The following BTRC variants were observed in gnomAD, a reference collection of about 807,000 sequenced individuals.
BTRC encodes beta-transducin repeat containing E3 ubiquitin protein ligase.
Under a neutral mutation model 85.5 loss-of-function variants are expected in BTRC, and 42 were observed. The observed-to-expected ratio is 0.49, with a 90% confidence interval of 0.38 to 0.64. The LOEUF (loss-of-function observed/expected upper bound fraction) is 0.64, where lower values mean the gene tolerates loss of function less well. BTRC is among the 30% of genes least tolerant of loss of function. BTRC has a pLI of 0.00. For missense variants in BTRC, 594 were observed against 743.5 expected (o/e 0.80, Z 2.34); for synonymous variants, 255 against 263.3 (o/e 0.97, Z 0.30).
intron 2 of BTRC, among the ~76,000 whole-genome samples, chr10:101,433,954 TAAG>T (rs1037186498): frequency 6.6e-6 from 1 of 151,752 alleles, no homozygotes; most frequent in Non-Finnish European, 1.5e-5. Flanking sequence ...TAATAGGAAT[TAAG>T]AAAAAAAAAT....
intron 13 of BTRC, among the ~76,000 whole-genome samples, chr10:101,549,967 C>T (rs970600802): frequency 3.3e-5 from 5 of 151,944 alleles, no homozygotes; most frequent in African/African-American, 1.2e-4. Flanking sequence ...TTTTTAATGC[C>T]GTGGAAATCT....
intron 4 of BTRC, among the ~76,000 whole-genome samples, chr10:101,508,442 T>G (rs1328504265): frequency 9.2e-5 from 14 of 152,224 alleles, no homozygotes. Context: ...TCATATTTAG[T>G]AGAGGCTGTT....
At chr10:101,422,783 G>A (rs2134058338) in intron 1 of BTRC, among the ~76,000 whole-genome samples, 1 of 152,234 alleles carries the variant, frequency 6.6e-6, no homozygotes, top group South Asian at 2.1e-4. Flanking sequence ...AGTTGTAGAT[G>A]TGTGTTATTA....
chr10:101,402,389 A>G (rs1943513972), intron 1 of BTRC, among the ~76,000 whole-genome samples: 1 of 152,194 alleles, frequency 6.6e-6, no homozygotes, highest in Non-Finnish European at 1.5e-5. Flanking sequence ...TCAAAATTCT[A>G]GTTTATCAGT....
chr10:101,489,110 A>G (rs1351496861), intron 4 of BTRC, among the ~76,000 whole-genome samples: 1 of 152,140 alleles, frequency 6.6e-6, no homozygotes, highest in Admixed American at 6.5e-5. Flanking sequence ...TTCTGTTAGA[A>G]CAGAAATCTG....
intron 14 of BTRC, among the ~76,000 whole-genome samples, chr10:101,551,388 A>G (rs1359685426): frequency 6.6e-6 from 1 of 152,236 alleles, no homozygotes; most frequent in South Asian, 2.1e-4. Flanking sequence ...AGTAGCTTTT[A>G]TATCCCTATC....
At chr10:101,509,798 G>A (rs971673544) in intron 4 of BTRC, among the ~76,000 whole-genome samples, 1 of 145,678 alleles carries the variant, frequency 6.9e-6, no homozygotes, top group South Asian at 2.1e-4. Flanking sequence ...CTGGGTTCAA[G>A]CAGTCCTTCT....
chr10:101,479,514 G>A (rs1589526552), intron 4 of BTRC, 57 bp downstream of exon 4: 3 of 1,367,906 alleles, frequency 2.2e-6, no homozygotes, highest in Non-Finnish European at 3.1e-6. Flanking sequence ...TGCCATATCT[G>A]TAGGCATCTT....
intron 1 of BTRC, among the ~76,000 whole-genome samples, chr10:101,379,443 C>A (rs761989538): frequency 1.3e-5 from 2 of 152,054 alleles, no homozygotes; most frequent in Non-Finnish European, 2.9e-5. Flanking sequence ...CTCATTTAGA[C>A]CTGTTCTTTT....
intron 1 of BTRC, among the ~76,000 whole-genome samples, chr10:101,360,789 T>C (rs1489455604): frequency 1.3e-5 from 2 of 151,898 alleles, no homozygotes; most frequent in Non-Finnish European, 2.9e-5. Flanking sequence ...GTGCCACCAC[T>C]CGCAGCCTAA....
intron 1 of BTRC, among the ~76,000 whole-genome samples, chr10:101,357,158 A>G (rs897654113): frequency 1.6e-4 from 23 of 146,584 alleles, no homozygotes; most frequent in Non-Finnish European, 2.5e-4. Context: ...AAAGGAAGAT[A>G]TTGGCCAGGC....
intron 13 of BTRC, 142 bp from the exon 14 acceptor site, chr10:101,550,557 C>A: frequency 1.3e-6 from 1 of 751,540 alleles, no homozygotes; most frequent in Non-Finnish European, 2.2e-6. Context: ...GCTGGGATTA[C>A]AGGTGTGAGC....
chr10:101,383,220 C>T (rs1183651769), intron 1 of BTRC, among the ~76,000 whole-genome samples: 1 of 151,736 alleles, frequency 6.6e-6, no homozygotes, highest in African/African-American at 2.4e-5. Context: ...TGCACCACCA[C>T]GCCCAGCTAA....
chr10:101,422,324 T>C (rs1161001201), intron 1 of BTRC, among the ~76,000 whole-genome samples: 1 of 152,238 alleles, frequency 6.6e-6, no homozygotes, highest in Admixed American at 6.5e-5. Context: ...GGTTGTTTGT[T>C]TTTTTCTTGT....
chr10:101,381,609 T>G (rs181351916), intron 1 of BTRC, among the ~76,000 whole-genome samples: 7 of 152,306 alleles, frequency 4.6e-5, no homozygotes, highest in Admixed American at 1.3e-4. Context: ...TTTTGACTTA[T>G]TTTTGAGAAA....
intron 4 of BTRC, among the ~76,000 whole-genome samples, chr10:101,520,040 T>C (rs2134362631): frequency 6.6e-6 from 1 of 152,302 alleles, no homozygotes; most frequent in East Asian, 1.9e-4. Context: ...TCTTAGAATT[T>C]TGCCTACCAC....
chr10:101,535,239 G>A (rs1245476890), intron 10 of BTRC, 115 bp from the exon 11 acceptor site: 2 of 835,308 alleles, frequency 2.4e-6, no homozygotes, highest in African/African-American at 3.4e-5. Context: ...ATTTGTTTGA[G>A]AAGACTTCCC....
chr10:101,441,274 A>G (rs943060819), intron 2 of BTRC, among the ~76,000 whole-genome samples: 1 of 152,240 alleles, frequency 6.6e-6, no homozygotes, highest in African/African-American at 2.4e-5. Flanking sequence ...CTTATGTATT[A>G]TGCATCAATA....
chr10:101,490,585 C>A (rs1946105135), intron 4 of BTRC, among the ~76,000 whole-genome samples: 1 of 152,208 alleles, frequency 6.6e-6, no homozygotes, highest in Non-Finnish European at 1.5e-5. Context: ...GGCCTCTGCA[C>A]CTCTCCTACC....
Sources: gnomAD v4.1 joint callset for allele counts (sites outside exome capture counted in the v4.1 genomes callset) on GRCh38, gnomAD v4.1.1 for gene constraint, MANE v1.5 for transcripts, NCBI Gene and HGNC (gene_info 2026-07-23, HGNC 2026-07-21) for gene names.